The following SUPT3H variants were observed in gnomAD, a reference collection of about 807,000 sequenced individuals.
SUPT3H encodes the protein SPT3 homolog, SAGA and STAGA complex component.
In SUPT3H, 44 loss-of-function variants were observed where a neutral mutation model predicts 44.3. The ratio of observed to expected loss-of-function variants is 0.99; its 90% CI spans 0.78 to 1.28. SUPT3H has a LOEUF of 1.28. SUPT3H is among the 50% of genes most tolerant of loss of function. The probability of loss-of-function intolerance (pLI) is 0.00; values close to 1 mark genes in which losing one functional copy is unlikely to be tolerated. For synonymous variants in SUPT3H, 124 were observed against 125.6 expected (o/e 0.99, Z 0.09); for missense variants, 380 against 387.1 (o/e 0.98, Z 0.15).
intron 10 of SUPT3H, among the ~76,000 whole-genome samples, chr6:44,922,995 T>A (rs7749796): frequency 0.12 from 17,817 of 152,068 alleles, 1,227 homozygotes; most frequent in African/African-American, 0.19. Flanking sequence ...TTTCCATTCC[T>A]CCAGAAGACA....
chr6:45,059,108 T>C (rs1227227278), intron 3 of SUPT3H, among the ~76,000 whole-genome samples: 10 of 152,082 alleles, frequency 6.6e-5, no homozygotes, highest in East Asian at 1.9e-4. Flanking sequence ...TAGAACCAAG[T>C]TTTGGTATAC....
chr6:45,135,684 T>C (rs566368346), intron 2 of SUPT3H, among the ~76,000 whole-genome samples: 1 of 152,186 alleles, frequency 6.6e-6, no homozygotes, highest in Non-Finnish European at 1.5e-5. Flanking sequence ...CATTCCACCA[T>C]GTGAGGTTAT....
intron 10 of SUPT3H, among the ~76,000 whole-genome samples, chr6:44,887,214 C>G (rs541062643): frequency 6.6e-6 from 1 of 152,124 alleles, no homozygotes; most frequent in Non-Finnish European, 1.5e-5. Flanking sequence ...ATCAACGAGA[C>G]AGAAAGTTAA....
At chr6:45,171,968 G>A (rs774124360) in intron 2 of SUPT3H, among the ~76,000 whole-genome samples, 2 of 151,430 alleles carry the variant, frequency 1.3e-5, no homozygotes, top group South Asian at 2.1e-4. Context: ...AGGCTGCCTC[G>A]GCCTCCCAAA....
intron 3 of SUPT3H, among the ~76,000 whole-genome samples, chr6:45,069,460 T>C (rs1794032441): frequency 6.6e-6 from 1 of 152,188 alleles, no homozygotes; most frequent in African/African-American, 2.4e-5. Flanking sequence ...GTGGTCCTAA[T>C]ATTACTTAGA....
At chr6:45,035,454 A>G (rs180901848) in intron 3 of SUPT3H, among the ~76,000 whole-genome samples, 1 of 152,268 alleles carries the variant, frequency 6.6e-6, no homozygotes, top group East Asian at 1.9e-4. Flanking sequence ...ATGGAGAGGT[A>G]ATCTGAAAAG....
At chr6:44,985,487 A>G (rs2153493051) in intron 6 of SUPT3H, among the ~76,000 whole-genome samples, 1 of 152,088 alleles carries the variant, frequency 6.6e-6, no homozygotes, top group East Asian at 1.9e-4. Context: ...TCCTAAACAA[A>G]TCCATCTTCC....
intron 5 of SUPT3H, among the ~76,000 whole-genome samples, chr6:45,007,508 T>C (rs1782877792): frequency 6.6e-6 from 1 of 152,136 alleles, no homozygotes; most frequent in Non-Finnish European, 1.5e-5. Context: ...TCTCCCTAAT[T>C]AGGTCTGAAG....
chr6:45,248,613 G>A (rs1019935518), intron 2 of SUPT3H, among the ~76,000 whole-genome samples: 1 of 152,060 alleles, frequency 6.6e-6, no homozygotes, highest in African/African-American at 2.4e-5. Flanking sequence ...AAGAGGATGT[G>A]GAAGAATTAG....
At chr6:45,282,618 C>T (rs910861179) in intron 2 of SUPT3H, among the ~76,000 whole-genome samples, 1 of 152,254 alleles carries the variant, frequency 6.6e-6, no homozygotes, top group Admixed American at 6.5e-5. Flanking sequence ...ATTGGTGTAC[C>T]TGAAAGTGAC....
chr6:44,888,169 C>T (rs563633118), intron 10 of SUPT3H, among the ~76,000 whole-genome samples: 6 of 152,250 alleles, frequency 3.9e-5, no homozygotes, highest in African/African-American at 1.4e-4. Context: ...GATTCACAGC[C>T]GAATTCTATC....
intron 10 of SUPT3H, among the ~76,000 whole-genome samples, chr6:44,854,576 C>T (rs1773424184): frequency 6.6e-6 from 1 of 152,122 alleles, no homozygotes; most frequent in Admixed American, 6.5e-5. Context: ...ATTCTATATG[C>T]CCTCAATCCC....
At chr6:45,334,131 G>A (rs1788068738) in intron 2 of SUPT3H, among the ~76,000 whole-genome samples, 1 of 151,022 alleles carries the variant, frequency 6.6e-6, no homozygotes, top group Admixed American at 6.6e-5. Context: ...TTATACATTA[G>A]TTACATCAGA....
At chr6:45,102,188 G>A (rs926990833) in intron 3 of SUPT3H, among the ~76,000 whole-genome samples, 3 of 151,972 alleles carry the variant, frequency 2.0e-5, no homozygotes, top group Non-Finnish European at 4.4e-5. Context: ...ATGTATACTG[G>A]TTACACAGTA....
intron 10 of SUPT3H, among the ~76,000 whole-genome samples, chr6:44,924,987 A>G (rs561976665): frequency 2.0e-4 from 31 of 152,296 alleles, no homozygotes; most frequent in Admixed American, 6.5e-4. Flanking sequence ...CTCATGACAT[A>G]AATATTTGCA....
intron 3 of SUPT3H, among the ~76,000 whole-genome samples, chr6:45,048,832 C>T (rs999831542): frequency 7.2e-5 from 11 of 151,732 alleles, no homozygotes; most frequent in African/African-American, 4.8e-5. Flanking sequence ...GAATCTAAAA[C>T]GTTTGACCTC....
intron 6 of SUPT3H, among the ~76,000 whole-genome samples, chr6:44,997,982 A>G (rs868760132): frequency 6.6e-6 from 1 of 151,866 alleles, no homozygotes; most frequent in Admixed American, 6.6e-5. Context: ...CAAGGAAAAA[A>G]TCCTACTCAG....
At chr6:44,943,729 A>T (rs896294684) in intron 9 of SUPT3H, among the ~76,000 whole-genome samples, 1 of 152,158 alleles carries the variant, frequency 6.6e-6, no homozygotes, top group Non-Finnish European at 1.5e-5. Flanking sequence ...AAAAAGTGGA[A>T]TGACATCATT....
intron 2 of SUPT3H, among the ~76,000 whole-genome samples, chr6:45,221,932 A>G (rs1162599854): frequency 6.6e-6 from 1 of 152,186 alleles, no homozygotes; most frequent in Non-Finnish European, 1.5e-5. Flanking sequence ...GGACAAAAAC[A>G]TAGATCAATA....
Sources: gnomAD v4.1 joint callset for allele counts (sites outside exome capture counted in the v4.1 genomes callset) on GRCh38, gnomAD v4.1.1 for gene constraint, MANE v1.5 for transcripts, NCBI Gene and HGNC (gene_info 2026-07-23, HGNC 2026-07-21) for gene names.